The following IL13RA1 variants were observed in gnomAD, a reference collection of about 807,000 sequenced individuals.
The protein encoded by IL13RA1 is interleukin 13 receptor subunit alpha 1.
A neutral mutation model predicts 33.8 loss-of-function variants in IL13RA1; 14 were observed. The observed-to-expected ratio is 0.41, with a 90% confidence interval of 0.27 to 0.65. The LOEUF (loss-of-function observed/expected upper bound fraction) is 0.65, where lower values mean the gene tolerates loss of function less well. IL13RA1 is among the 30% of genes least tolerant of loss of function. The pLI, the probability that IL13RA1 is intolerant of heterozygous loss-of-function variation, is 0.28. For synonymous variants in IL13RA1, 116 were observed against 115.7 expected (o/e 1.00, Z -0.02); for missense variants, 313 against 327.0 (o/e 0.96, Z 0.33).
intron 10 of IL13RA1, among the ~76,000 whole-genome samples, chrX:118,785,461 C>T (rs999810947): frequency 3.6e-5 from 4 of 111,866 alleles, no homozygotes; most frequent in African/African-American, 1.3e-4. Flanking sequence ...GTTAAAAAAT[C>T]CTACTTTTTA....
intron 6 of IL13RA1, among the ~76,000 whole-genome samples, chrX:118,764,275 G>T (rs985879725): frequency 2.9e-5 from 3 of 103,979 alleles, no homozygotes; most frequent in Admixed American, 1.1e-4. Context: ...TATGCAGGGG[G>T]ATTTACATTT....
At chrX:118,799,683 C>A in the IL13RA1 span, among the ~76,000 whole-genome samples, 3 of 86,914 alleles carry the variant, frequency 3.5e-5, no homozygotes, top group African/African-American at 1.3e-4. Context: ...CTTGGAGAAC[C>A]TTTATGTCTA....
intron 1 of IL13RA1, among the ~76,000 whole-genome samples, chrX:118,737,664 G>A (rs1412575736): frequency 1.8e-5 from 2 of 112,520 alleles, no homozygotes; most frequent in Non-Finnish European, 3.8e-5. Flanking sequence ...CCATTTGAAA[G>A]GTTGAATATA....
At chrX:118,771,703 C>T (rs2017723407) in intron 8 of IL13RA1, among the ~76,000 whole-genome samples, 1 of 112,338 alleles carries the variant, frequency 8.9e-6, no homozygotes, top group Non-Finnish European at 1.9e-5. Flanking sequence ...GGCTGGGCGC[C>T]ATGGCTCATG....
intron 1 of IL13RA1, among the ~76,000 whole-genome samples, chrX:118,739,569 A>G (rs994340270): frequency 1.8e-5 from 2 of 112,248 alleles, no homozygotes; most frequent in African/African-American, 6.5e-5. Flanking sequence ...AATAATTTTA[A>G]TAAACTTCTA....
chrX:118,788,535 T>C (rs535120896), intron 10 of IL13RA1, among the ~76,000 whole-genome samples: 8 of 111,923 alleles, frequency 7.1e-5, no homozygotes, highest in African/African-American at 2.6e-4. Context: ...AACAGCAGAG[T>C]TGTTTTATAG....
intron 6 of IL13RA1, among the ~76,000 whole-genome samples, chrX:118,765,261 CT>C (rs36015859): frequency 0.014 from 1,307 of 96,229 alleles, 20 homozygotes; most frequent in African/African-American, 0.04. Context: ...TCAAGCCCAG[CT>C]TTTTTTTTTT....
chrX:118,782,755 G>A (rs183982020), intron 10 of IL13RA1, among the ~76,000 whole-genome samples: 114 of 99,969 alleles, frequency 1.1e-3, no homozygotes, highest in African/African-American at 3.8e-3. Flanking sequence ...GCACTACCAC[G>A]CCCAGCTAAT....
intron 1 of IL13RA1, among the ~76,000 whole-genome samples, chrX:118,732,839 A>C (rs2017237965): frequency 1.8e-5 from 2 of 111,726 alleles, no homozygotes; most frequent in Non-Finnish European, 3.8e-5. Flanking sequence ...AGTCTTTGCT[A>C]TTGTGAGTAG....
chrX:118,777,003 A>G lies in IL13RA1; in HGVS notation c.1191+492A>G, dbSNP rs1319049679. ...TGTGTGTATATGTGTGTGTGTATAT[A>G]TATATATATATATATATACACACAT... On this transcript the variant is annotated intron_variant, in intron 10 of 10. Transcript: ENST00000371666. Among the ~76,000 whole-genome samples, 250 of 99,888 alleles carry G rather than the reference A, an allele frequency of 2.5e-3. 2 individuals carry two copies. Among genetic ancestry groups the G allele is most frequent in the African/African-American group, 4.5e-3 (123 of 27,074 alleles). 86.7% of individuals were successfully genotyped at this position (99,888 alleles called of 115,157 possible). A position where few individuals can be genotyped will look rare whatever the true frequency, so the allele number is the denominator to read the frequency against.
the IL13RA1 span, among the ~76,000 whole-genome samples, chrX:118,801,220 T>G: frequency 2.7e-5 from 3 of 113,038 alleles, no homozygotes; most frequent in African/African-American, 9.6e-5. Context: ...TTCCGATGTG[T>G]TGTTGCTTCT....
At chrX:118,762,060 G>T (rs183675623) in intron 6 of IL13RA1, among the ~76,000 whole-genome samples, 10 of 112,544 alleles carry the variant, frequency 8.9e-5, no homozygotes, top group Middle Eastern at 4.6e-3. Context: ...GTCAATATTT[G>T]TTGGATTATG....
At position 118,741,076 on chromosome X, in the gene IL13RA1, T is replaced by C; in HGVS notation, c.148T>C (p.Trp50Arg). Residue 50 changes from tryptophan (W) to arginine (R), a missense_variant, in exon 2 of 11, where the codon TGG becomes CGG. By Grantham distance (101) the Trp-to-Arg change is moderately radical (BLOSUM62 -3). Transcript: ENST00000371666. ...TGTTGAAAACCTCTGCACAGTAATA[T>C]GGACATGGAATCCACCCGAGGGAGC... ...VSVENLCTVIWTWNPPEGASS... is the reference protein window; with the variant it reads ...VSVENLCTVIRTWNPPEGASS... 9.0e-7 allele frequency: 1 copy of C among 1,109,163 alleles called. No individual in the cohort carries two copies. The highest frequency in any genetic ancestry group is 1.2e-6 in the Non-Finnish European group (1 of 801,553). 91.4% of individuals were successfully genotyped at this position (1,109,163 alleles called of 1,213,427 possible). A position where few individuals can be genotyped will look rare whatever the true frequency, so the allele number is the denominator to read the frequency against.
At chrX:118,739,977 G>A (rs987841524) in intron 1 of IL13RA1, among the ~76,000 whole-genome samples, 3 of 112,031 alleles carry the variant, frequency 2.7e-5, no homozygotes, top group East Asian at 2.8e-4. Flanking sequence ...GTCTTGCTCC[G>A]TCACCCAGGC....
At chrX:118,767,381 A>C (rs1045457398) in intron 8 of IL13RA1, among the ~76,000 whole-genome samples, 2 of 110,791 alleles carry the variant, frequency 1.8e-5, no homozygotes, top group Non-Finnish European at 3.8e-5. Flanking sequence ...TCTCTACAAA[A>C]AATACAAAAA....
intron 8 of IL13RA1, among the ~76,000 whole-genome samples, chrX:118,768,665 A>C (rs2017676683): frequency 9.1e-6 from 1 of 110,320 alleles, no homozygotes; most frequent in Non-Finnish European, 1.9e-5. Flanking sequence ...TAGTATCCTT[A>C]TAAAAAGAGA....
intron 8 of IL13RA1, chrX:118,770,326 G>A (rs894852334): frequency 1.1e-5 from 4 of 353,587 alleles, no homozygotes; most frequent in African/African-American, 7.8e-5. Context: ...GGCCCGGCGA[G>A]CCCTACGTGG....
chrX:118,765,966 GT>G (rs2017643954), intron 6 of IL13RA1, among the ~76,000 whole-genome samples: 1 of 111,782 alleles, frequency 8.9e-6, no homozygotes, highest in Non-Finnish European at 1.9e-5. Flanking sequence ...TTAAAATTGG[GT>G]TTTCTGTTTT....
chrX:118,777,779 CT>C (rs2017802163), intron 10 of IL13RA1, among the ~76,000 whole-genome samples: 2 of 111,682 alleles, frequency 1.8e-5, no homozygotes, highest in Admixed American at 9.5e-5. Flanking sequence ...AGGCTTCTAA[CT>C]TTAGTTGGAT....
Sources: allele counts gnomAD v4.1 joint callset (sites outside exome capture counted in the v4.1 genomes callset), GRCh38; gene constraint gnomAD v4.1.1; transcripts MANE v1.5; gene names NCBI Gene and HGNC (gene_info 2026-07-23, HGNC 2026-07-21).